THSD4: variants seen among roughly 807,000 people sequenced by gnomAD.
THSD4 encodes the protein thrombospondin type 1 domain containing 4.
In THSD4, 69 loss-of-function variants were observed where a neutral mutation model predicts 119.0. That is an observed-to-expected ratio of 0.58 (90% CI 0.48 to 0.71). THSD4 has a LOEUF of 0.71. Among genes scored for constraint, THSD4 ranks in the 30% least tolerant of loss-of-function variants. The pLI, the probability that THSD4 is intolerant of heterozygous loss-of-function variation, is 0.00. For synonymous variants in THSD4, 524 were observed against 540.4 expected (o/e 0.97, Z 0.42); for missense variants, 1,393 against 1,391.1 (o/e 1.00, Z -0.02).
intron 3 of THSD4, among the ~76,000 whole-genome samples, chr15:71,190,031 G>A (rs954738238): frequency 6.6e-6 from 1 of 152,138 alleles, no homozygotes; most frequent in Non-Finnish European, 1.5e-5. Context: ...GGGCATGCTA[G>A]GATTAGAAGA....
At position 71,777,502 on chromosome 15, in the gene THSD4, C is replaced by T. The variant is rs1253433857; in HGVS notation, c.*128C>T. On this transcript the variant is annotated 3_prime_UTR_variant, in exon 18 of 18. Transcript: ENST00000261862. ...CGCTGCCAACCAACTTAGTCACCAC[C>T]CCTGCCTCCGGTGAATGCACCCCGT... 4 of 1,323,014 alleles carry T rather than the reference C, an allele frequency of 3.0e-6. No homozygotes were observed. The highest frequency in any genetic ancestry group is 2.9e-5 in the African/African-American group (2 of 68,020). The allele number at this position is 1,323,014 out of a possible 1,614,324, so 82.0% of individuals were successfully genotyped here.
intron 6 of THSD4, among the ~76,000 whole-genome samples, chr15:71,354,526 A>G (rs1285571387): frequency 1.3e-5 from 2 of 151,926 alleles, no homozygotes; most frequent in African/African-American, 4.8e-5. Context: ...ACCTAAAAAG[A>G]CTCTTCCTTT....
chr15:71,578,436 AT>A (rs1261407841), intron 7 of THSD4, among the ~76,000 whole-genome samples: 2 of 152,056 alleles, frequency 1.3e-5, no homozygotes, highest in Non-Finnish European at 2.9e-5. Context: ...TTTTGACTTT[AT>A]TTTTTTAATG....
intron 8 of THSD4, among the ~76,000 whole-genome samples, chr15:71,706,483 T>C (rs981479271): frequency 6.6e-6 from 1 of 152,060 alleles, no homozygotes; most frequent in Non-Finnish European, 1.5e-5. Flanking sequence ...ATATAAATTG[T>C]GGATAGTTGG....
intron 7 of THSD4, among the ~76,000 whole-genome samples, chr15:71,441,689 A>T (rs545889174): frequency 6.6e-6 from 1 of 152,012 alleles, no homozygotes; most frequent in South Asian, 2.1e-4. Flanking sequence ...CACCATGTCC[A>T]GCCTCACCTG....
intron 8 of THSD4, among the ~76,000 whole-genome samples, chr15:71,664,779 T>C (rs1377356242): frequency 6.6e-6 from 1 of 152,204 alleles, no homozygotes; most frequent in African/African-American, 2.4e-5. Context: ...GTTTTCTAAG[T>C]ATAATGATCT....
intron 7 of THSD4, among the ~76,000 whole-genome samples, chr15:71,573,280 A>G (rs976557871): frequency 6.6e-6 from 1 of 152,218 alleles, no homozygotes; most frequent in African/African-American, 2.4e-5. Context: ...TTGTTAAACG[A>G]ATCCAGGCAG....
At chr15:71,274,928 G>C (rs76821125) in intron 6 of THSD4, among the ~76,000 whole-genome samples, 1,955 of 152,182 alleles carry the variant, frequency 0.013, 45 homozygotes, top group African/African-American at 0.044. Flanking sequence ...ATGATTTTAA[G>C]GACTTGAAAC....
chr15:71,422,452 C>T (rs924759734), intron 7 of THSD4, among the ~76,000 whole-genome samples: 4 of 152,140 alleles, frequency 2.6e-5, no homozygotes, highest in Admixed American at 2.0e-4. Context: ...AGAGGTGCCA[C>T]CTTGGTGGTC....
chr15:71,483,951 T>A (rs1253497516), intron 7 of THSD4, among the ~76,000 whole-genome samples: 1 of 152,182 alleles, frequency 6.6e-6, no homozygotes. Context: ...GTAGCCTTGA[T>A]TCTTCCTCTA....
At chr15:71,180,173 A>ATT (rs2043499236) in intron 3 of THSD4, among the ~76,000 whole-genome samples, 1 of 8,694 alleles carries the variant, frequency 1.2e-4, no homozygotes, top group African/African-American at 1.2e-4. Flanking sequence ...AAAAAAAATA[A>ATT]AAAAAAAAAA....
chr15:71,553,278 A>T (rs1253581072), intron 7 of THSD4, among the ~76,000 whole-genome samples: 1 of 150,990 alleles, frequency 6.6e-6, no homozygotes, highest in Non-Finnish European at 1.5e-5. Flanking sequence ...TCCAGAATAC[A>T]GTACTGAATA....
intron 3 of THSD4, among the ~76,000 whole-genome samples, chr15:71,199,716 TGTGTGTGTGTA>T (rs1172403633): frequency 2.0e-4 from 27 of 135,524 alleles, no homozygotes; most frequent in Non-Finnish European, 2.3e-4. Flanking sequence ...GGGTGTGTGG[TGTGTGTGTGTA>T]GTGTGTGTGT....
chr15:71,710,765 T>G (rs1445921567), intron 8 of THSD4, among the ~76,000 whole-genome samples: 2 of 152,178 alleles, frequency 1.3e-5, no homozygotes, highest in African/African-American at 2.4e-5. Flanking sequence ...TGCCAATATA[T>G]TTTTACAATT....
At chr15:71,158,567 A>G (rs1388675547) in intron 3 of THSD4, among the ~76,000 whole-genome samples, 3 of 151,802 alleles carry the variant, frequency 2.0e-5, no homozygotes, top group African/African-American at 7.3e-5. Context: ...GAGCATTTCA[A>G]AATATATTTT....
intron 4 of THSD4, among the ~76,000 whole-genome samples, chr15:71,241,521 T>C (rs1317023661): frequency 6.6e-6 from 1 of 152,180 alleles, no homozygotes; most frequent in Non-Finnish European, 1.5e-5. Context: ...ATGATTAATT[T>C]TTGTATTTCT....
intron 4 of THSD4, among the ~76,000 whole-genome samples, chr15:71,229,882 A>G (rs751058887): frequency 2.6e-5 from 4 of 152,206 alleles, no homozygotes; most frequent in Non-Finnish European, 5.9e-5. Context: ...AGTGATATAG[A>G]GTAAGTGGGT....
chr15:71,262,746 G>A (rs2044415683), intron 6 of THSD4, among the ~76,000 whole-genome samples: 1 of 152,152 alleles, frequency 6.6e-6, no homozygotes, highest in Non-Finnish European at 1.5e-5. Flanking sequence ...AGCAGTGGCT[G>A]GCTTATGTTA....
intron 4 of THSD4, among the ~76,000 whole-genome samples, chr15:71,237,953 G>C (rs2044119308): frequency 6.6e-6 from 1 of 152,144 alleles, no homozygotes; most frequent in East Asian, 1.9e-4. Context: ...TATAGCAACA[G>C]CAATTTTCCC....
Sources: allele counts gnomAD v4.1 joint callset (sites outside exome capture counted in the v4.1 genomes callset), GRCh38; gene constraint gnomAD v4.1.1; transcripts MANE v1.5; gene names NCBI Gene and HGNC (gene_info 2026-07-23, HGNC 2026-07-21).